TFDP2: variants seen among roughly 807,000 people sequenced by gnomAD.
The protein encoded by TFDP2 is transcription factor Dp-2 (E2F dimerization partner 2).
Under a neutral mutation model 59.3 loss-of-function variants are expected in TFDP2, and 17 were observed. The ratio of observed to expected loss-of-function variants is 0.29; its 90% CI spans 0.20 to 0.43. TFDP2 has a LOEUF of 0.43. TFDP2 is among the 20% of genes least tolerant of loss of function. The probability of loss-of-function intolerance (pLI) is 1.00; values close to 1 mark genes in which losing one functional copy is unlikely to be tolerated. For synonymous variants in TFDP2, 180 were observed against 194.7 expected, an observed-to-expected ratio of 0.92 and a Z score of 0.63; for missense variants, 391 against 528.8, an observed-to-expected ratio of 0.74 and a Z score of 2.56.
intron 9 of TFDP2, among the ~76,000 whole-genome samples, chr3:141,968,518 TC>T (rs1368355161): frequency 2.7e-5 from 3 of 109,814 alleles, no homozygotes; most frequent in Admixed American, 1.1e-4. Context: ...CATATATATC[TC>T]ATATATATAG....
rs33991863 is a variant in TFDP2 at position 141,992,077 on chromosome 3, AGAAG to A, written c.356+1457_356+1460del. Among the ~76,000 whole-genome samples the A allele has an allele frequency of 2.7e-4, 40 of 146,004 alleles. No individual in the cohort carries two copies. In the East Asian group the frequency reaches 5.1e-3, roughly 18 times the overall value. ...AAAAAGAAAGAAAAGAAAGAAAGAA[AGAAG>A]GAAGGAAGGAAGGAAAGAAAGAAAG... is the stretch of plus-strand genomic sequence containing the variant. On this transcript the variant is annotated intron_variant, in intron 6 of 12. Coordinates refer to ENST00000489671, the MANE Select transcript of TFDP2 (RefSeq NM_001178139.2).
intron 8 of TFDP2, among the ~76,000 whole-genome samples, chr3:141,973,123 A>ATATATATATATATATATTTTTTTT: frequency 1.7e-5 from 1 of 58,030 alleles, no homozygotes; most frequent in African/African-American, 6.5e-5. Flanking sequence ...ATATATATAT[A>ATATATATATATATATATTTTTTTT]TTTTTTTTTT....
intron 4 of TFDP2, 92 bp downstream of exon 4, chr3:142,005,349 G>A (rs1944127872): frequency 9.0e-7 from 1 of 1,108,004 alleles, no homozygotes; most frequent in East Asian, 2.6e-5. Flanking sequence ...GGTTTAACTG[G>A]AATATCTGAT....
intron 6 of TFDP2, among the ~76,000 whole-genome samples, chr3:141,987,855 C>T (rs2108133155): frequency 6.7e-6 from 1 of 150,320 alleles, no homozygotes; most frequent in East Asian, 2.0e-4. Context: ...AGGAGAATCG[C>T]TTAAACTCAG....
chr3:142,095,900 T>G (rs1330167212), intron 2 of TFDP2, among the ~76,000 whole-genome samples: 2 of 152,208 alleles, frequency 1.3e-5, no homozygotes, highest in Non-Finnish European at 2.9e-5. Flanking sequence ...TTTAAATACA[T>G]GTATTATAAT....
intron 6 of TFDP2, among the ~76,000 whole-genome samples, chr3:141,987,575 G>A (rs1482828963): frequency 7.2e-6 from 1 of 139,474 alleles, no homozygotes; most frequent in Non-Finnish European, 1.6e-5. Context: ...GAGCCACTGC[G>A]CCTGGCGTGT....
intron 10 of TFDP2, 116 bp downstream of exon 10, chr3:141,963,696 A>T: frequency 7.9e-7 from 1 of 1,261,226 alleles, no homozygotes; most frequent in Non-Finnish European, 1.1e-6. Flanking sequence ...ATGTGCCCCA[A>T]GGAAGCCAGC....
chr3:142,090,582 A>G (rs2060966149), intron 3 of TFDP2, among the ~76,000 whole-genome samples: 1 of 136,788 alleles, frequency 7.3e-6, no homozygotes, highest in Non-Finnish European at 1.5e-5. Context: ...TTTTTTGGAG[A>G]CAGACTCTCA....
chr3:141,952,895 T>G lies in TFDP2; in HGVS notation c.1157+16A>C. 6.2e-7 allele frequency: 1 copy of G among 1,612,128 alleles called. No homozygotes were observed. The highest frequency in any genetic ancestry group is 8.5e-7 in the Non-Finnish European group (1 of 1,178,288). On this transcript the variant is annotated intron_variant, in intron 12 of 12. Coordinates refer to ENST00000489671, the MANE Select transcript of TFDP2 (RefSeq NM_001178139.2). ...GCTCTGGGGTTTGCCTTTCTAACCC[T>G]GAAAAAAATACGTACCTTGACTGGG...
intron 3 of TFDP2, among the ~76,000 whole-genome samples, chr3:142,046,937 C>T (rs987713175): frequency 2.0e-5 from 3 of 152,176 alleles, no homozygotes; most frequent in Non-Finnish European, 2.9e-5. Context: ...TAATCTAGCA[C>T]ACATTCAACC....
chr3:142,020,518 G>A (rs548673702), intron 3 of TFDP2, among the ~76,000 whole-genome samples: 1 of 150,922 alleles, frequency 6.6e-6, no homozygotes, highest in Non-Finnish European at 1.5e-5. Context: ...CTGGGCAACA[G>A]AGCAAGACTC....
At chr3:142,039,403 T>C (rs888402770) in intron 3 of TFDP2, among the ~76,000 whole-genome samples, 1 of 152,158 alleles carries the variant, frequency 6.6e-6, no homozygotes, top group African/African-American at 2.4e-5. Context: ...TGTTGTTGTT[T>C]TGAGACAGGG....
At chr3:141,969,287 T>TAA (rs1491554074) in intron 9 of TFDP2, among the ~76,000 whole-genome samples, 1 of 125,998 alleles carries the variant, frequency 7.9e-6, no homozygotes, top group Non-Finnish European at 1.6e-5. Context: ...TATATATATA[T>TAA]AACCGGCCTA....
intron 9 of TFDP2, among the ~76,000 whole-genome samples, chr3:141,968,327 T>TAAC (rs1338651678): frequency 8.5e-6 from 1 of 118,022 alleles, no homozygotes; most frequent in Non-Finnish European, 1.8e-5. Flanking sequence ...ATATAACATA[T>TAAC]AATATATATA....
chr3:141,974,907 C>CTTCTTCTTCTTCTTTTTTTTTT (rs1553762313), intron 7 of TFDP2, among the ~76,000 whole-genome samples: 2 of 90,502 alleles, frequency 2.2e-5, no homozygotes, highest in African/African-American at 4.6e-5. Flanking sequence ...TCTTCTTCTT[C>CTTCTTCTTCTTCTTTTTTTTTT]TTTTTTTTTT....
Position 142,121,422 on chromosome 3 carries a change from TA to T in TFDP2, c.-92-19582del, listed in dbSNP as rs1343594338. Among the ~76,000 whole-genome samples, 1 of 152,106 alleles carries T rather than the reference TA, an allele frequency of 6.6e-6. No homozygotes were observed. On this transcript the variant is annotated intron_variant, in intron 1 of 12. Coordinates refer to ENST00000489671, the MANE Select transcript of TFDP2 (RefSeq NM_001178139.2). The surrounding 1 kb of genome is among the most constrained non-coding windows in gnomAD (Gnocchi z 4.3). Reference sequence around the variant, plus strand: ...ACAAAGGAACAGCTTCTAATTCAGCTAAAGGGTGGGAATCAGGTTCTAACTC... The same window carrying T: ...ACAAAGGAACAGCTTCTAATTCAGCTAAGGGTGGGAATCAGGTTCTAACTC...
intron 3 of TFDP2, among the ~76,000 whole-genome samples, chr3:142,021,045 C>T (rs1396600200): frequency 6.6e-6 from 1 of 152,064 alleles, no homozygotes; most frequent in Non-Finnish European, 1.5e-5. Flanking sequence ...TGCACATGCA[C>T]ATTACACCAC....
At chr3:142,044,608 T>C (rs889445653) in intron 3 of TFDP2, among the ~76,000 whole-genome samples, 3 of 152,162 alleles carry the variant, frequency 2.0e-5, no homozygotes, top group Admixed American at 6.5e-5. Flanking sequence ...TGACCTCAAA[T>C]GATCTGCCCA....
At chr3:142,072,963 T>C (rs2060297151) in intron 3 of TFDP2, among the ~76,000 whole-genome samples, 1 of 152,184 alleles carries the variant, frequency 6.6e-6, no homozygotes, top group Non-Finnish European at 1.5e-5. Flanking sequence ...TTCCAAAGCC[T>C]ATGATGCAGA....
Sources: allele counts gnomAD v4.1 joint callset (sites outside exome capture counted in the v4.1 genomes callset), GRCh38; gene constraint gnomAD v4.1.1; non-coding constraint Gnocchi (gnomAD v3.1); transcripts MANE v1.5; gene names NCBI Gene and HGNC (gene_info 2026-07-23, HGNC 2026-07-21).